Variants in NBEA observed in about 807,000 individuals in gnomAD.
NBEA encodes neurobeachin.
NBEA carries 44 observed loss-of-function variants against 343.4 expected under a neutral mutation model. The ratio of observed to expected loss-of-function variants is 0.13; its 90% CI spans 0.10 to 0.16. The LOEUF is 0.16. Ranked by LOEUF, NBEA falls within the 10% of genes least tolerant of loss-of-function variation. The pLI is 1.00. For synonymous variants in NBEA, 1,175 were observed against 1,238.7 expected, an observed-to-expected ratio of 0.95 and a Z score of 1.08; for missense variants, 2,555 against 3,631.3, an observed-to-expected ratio of 0.70 and a Z score of 7.62.
rs1260281410 is a variant in NBEA, at chr13:35,653,268, A to C, written c.8035+1392A>C. ...AGTAAGATAAATTAGAAAAAAATTG[A>C]AAATGCTACGAAAAATTATTAAGCT... On this transcript the variant is annotated intron_variant, in intron 53 of 58. Transcript: ENST00000379939. 4.6e-5 allele frequency among the ~76,000 whole-genome samples: 7 copies of C among 151,892 alleles called. 1 individual carries two copies. Among genetic ancestry groups the C allele is most frequent in the African/African-American group, 1.7e-4 (7 of 41,440 alleles).
intron 1 of NBEA, among the ~76,000 whole-genome samples, chr13:34,946,420 G>A (rs968081780): frequency 1.3e-5 from 2 of 152,012 alleles, no homozygotes; most frequent in African/African-American, 2.4e-5. Context: ...TAACATGGAA[G>A]TTTCTTTTAT....
chr13:35,195,674 G>A (rs2152741695), intron 30 of NBEA, among the ~76,000 whole-genome samples, 190 bp from the exon 31 acceptor site: 1 of 152,256 alleles, frequency 6.6e-6, no homozygotes, highest in East Asian at 1.9e-4. Flanking sequence ...TGGGGTTACA[G>A]GCATGAGCCA....
chr13:35,392,436 T>C (rs2042547677), intron 38 of NBEA, among the ~76,000 whole-genome samples: 1 of 151,850 alleles, frequency 6.6e-6, no homozygotes, highest in African/African-American at 2.4e-5. Context: ...CATCTGGTGG[T>C]AAAACCTAAC....
chr13:35,431,881 C>T (rs1027855865), intron 38 of NBEA, among the ~76,000 whole-genome samples: 9 of 152,008 alleles, frequency 5.9e-5, no homozygotes, highest in Admixed American at 5.2e-4. Context: ...AGGTCTATTC[C>T]GTGATTTACA....
intron 38 of NBEA, among the ~76,000 whole-genome samples, chr13:35,382,504 A>C (rs927823560): frequency 6.6e-6 from 1 of 152,132 alleles, no homozygotes; most frequent in Admixed American, 6.5e-5. Flanking sequence ...TGTTTTGGGG[A>C]GTATACTGCA....
At chr13:34,981,041 T>G (rs2060339315) in intron 1 of NBEA, among the ~76,000 whole-genome samples, 1 of 152,202 alleles carries the variant, frequency 6.6e-6, no homozygotes, top group East Asian at 1.9e-4. Flanking sequence ...ACATTTCCGT[T>G]ACTCTCCAAA....
intron 36 of NBEA, among the ~76,000 whole-genome samples, chr13:35,316,549 A>C (rs1025106110): frequency 3.3e-5 from 5 of 152,180 alleles, no homozygotes; most frequent in African/African-American, 1.2e-4. Context: ...TGCTATTGTC[A>C]ACAGTGCTGC....
At chr13:34,962,272 A>C (rs1412427965) in intron 1 of NBEA, among the ~76,000 whole-genome samples, 1 of 152,060 alleles carries the variant, frequency 6.6e-6, no homozygotes, top group South Asian at 2.1e-4. Context: ...CTATGTGTGC[A>C]TATGTGTGTA....
At chr13:35,479,881 AATG>A (rs1257155123) in intron 41 of NBEA, among the ~76,000 whole-genome samples, 5 of 152,094 alleles carry the variant, frequency 3.3e-5, no homozygotes, top group Non-Finnish European at 5.9e-5. Flanking sequence ...CTAATAATAG[AATG>A]ATAATTGAGG....
At chr13:35,183,893 C>A in intron 29 of NBEA, 83 bp from the exon 30 acceptor site, 2 of 902,254 alleles carry the variant, frequency 2.2e-6, no homozygotes, top group Non-Finnish European at 3.4e-6. Flanking sequence ...TGCAGTAATA[C>A]AGAATTGTCA....
chr13:35,649,955 A>C (rs2084436209), intron 52 of NBEA, 108 bp downstream of exon 52: 6 of 1,089,684 alleles, frequency 5.5e-6, no homozygotes, highest in Non-Finnish European at 7.9e-6. Context: ...TTATCTACAA[A>C]AAACAGCAGA....
intron 56 of NBEA, among the ~76,000 whole-genome samples, chr13:35,666,880 A>C (rs1402702841): frequency 6.6e-6 from 1 of 152,146 alleles, no homozygotes; most frequent in East Asian, 1.9e-4. Flanking sequence ...AGTTTTCTCA[A>C]TTTTGCTTTT....
chr13:35,376,812 C>G (rs1475458509), intron 38 of NBEA, among the ~76,000 whole-genome samples: 1 of 152,092 alleles, frequency 6.6e-6, no homozygotes, highest in Non-Finnish European at 1.5e-5. Context: ...GTTGTGGGCA[C>G]ATGCTGTAAT....
At chr13:35,243,364 A>C (rs2030648203) in intron 34 of NBEA, among the ~76,000 whole-genome samples, 1 of 151,904 alleles carries the variant, frequency 6.6e-6, no homozygotes, top group Admixed American at 6.6e-5. Flanking sequence ...AAGAGACAAA[A>C]ATACAATGAC....
At chr13:35,577,322 C>G (rs1239918368) in intron 45 of NBEA, among the ~76,000 whole-genome samples, 1 of 152,038 alleles carries the variant, frequency 6.6e-6, no homozygotes, top group Non-Finnish European at 1.5e-5. Context: ...CCAGGTAGAC[C>G]AAGAGTGGGG....
At chr13:35,400,219 A>G (rs1354684362) in intron 38 of NBEA, among the ~76,000 whole-genome samples, 1 of 150,286 alleles carries the variant, frequency 6.7e-6, no homozygotes, top group Non-Finnish European at 1.5e-5. Flanking sequence ...AAAAAAAAAA[A>G]AAAAAGTATC....
At chr13:34,944,181 G>C (rs983193370) in intron 1 of NBEA, among the ~76,000 whole-genome samples, 1 of 152,162 alleles carries the variant, frequency 6.6e-6, no homozygotes, top group Non-Finnish European at 1.5e-5. Context: ...GACATAAATC[G>C]AGAGCAATCA....
At chr13:34,960,002 A>G (rs1219729336) in intron 1 of NBEA, among the ~76,000 whole-genome samples, 1 of 152,174 alleles carries the variant, frequency 6.6e-6, no homozygotes, top group Non-Finnish European at 1.5e-5. Context: ...GCTTAAAAAA[A>G]AAGTTAACTG....
At chr13:34,952,633 A>G (rs535243653) in intron 1 of NBEA, among the ~76,000 whole-genome samples, 3 of 152,178 alleles carry the variant, frequency 2.0e-5, no homozygotes, top group Non-Finnish European at 4.4e-5. Flanking sequence ...AAGGAATTAT[A>G]CTAGCATCTG....
Sources: gnomAD v4.1 joint callset for allele counts (sites outside exome capture counted in the v4.1 genomes callset) on GRCh38, gnomAD v4.1.1 for gene constraint, MANE v1.5 for transcripts, NCBI Gene and HGNC (gene_info 2026-07-23, HGNC 2026-07-21) for gene names.